The following PARD3B variants were observed in gnomAD, a reference collection of about 807,000 sequenced individuals.
PARD3B encodes partitioning defective 3 homolog B.
Under a neutral mutation model 130.2 loss-of-function variants are expected in PARD3B, and 103 were observed. The ratio of observed to expected loss-of-function variants is 0.79; its 90% CI spans 0.67 to 0.93. The LOEUF (loss-of-function observed/expected upper bound fraction) is 0.93. Ranked by LOEUF, PARD3B falls within the 40% of genes least tolerant of loss-of-function variation. The pLI is 0.00. For missense variants in PARD3B, 1,609 were observed against 1,499.2 expected (o/e 1.07, Z -1.21); for synonymous variants, 583 against 553.2 (o/e 1.05, Z -0.76).
chr2:204,748,963 A>G (rs1011550100), intron 2 of PARD3B, among the ~76,000 whole-genome samples: 4 of 152,160 alleles, frequency 2.6e-5, no homozygotes, highest in Non-Finnish European at 4.4e-5. Flanking sequence ...TTGATCATTT[A>G]CATACTTATA....
chr2:204,674,287 C>G (rs2036434546), intron 1 of PARD3B, among the ~76,000 whole-genome samples: 1 of 152,152 alleles, frequency 6.6e-6, no homozygotes. Context: ...AAATTTCTCT[C>G]TGAGTAGGGG....
chr2:204,619,324 C>T (rs2034216327), intron 1 of PARD3B, among the ~76,000 whole-genome samples: 1 of 152,084 alleles, frequency 6.6e-6, no homozygotes, highest in South Asian at 2.1e-4. Flanking sequence ...AATTGGCAGG[C>T]ATTTCATCAT....
At chr2:205,436,406 T>C (rs1016990706) in intron 19 of PARD3B, among the ~76,000 whole-genome samples, 1 of 152,098 alleles carries the variant, frequency 6.6e-6, no homozygotes, top group Non-Finnish European at 1.5e-5. Flanking sequence ...TTTGAGAGTG[T>C]TTTTCTTTTA....
At position 205,116,745 on chromosome 2, in the gene PARD3B, AGTG is replaced by A. The variant is rs1384923532; in HGVS notation, c.681-2173_681-2171del. Among the ~76,000 whole-genome samples the A allele has an allele frequency of 9.2e-5, 14 of 152,162 alleles. No homozygotes were observed. Among genetic ancestry groups the A allele is most frequent in the Non-Finnish European group, 1.5e-5 (1 of 68,028 alleles). On this transcript the variant is annotated intron_variant, in intron 6 of 22. Transcript: ENST00000406610. This position sits in a 1 kb window ranked among gnomAD's most constrained non-coding sequence, Gnocchi z 4.5. ...CCTTCCACGGAGCAGAGAGGGCAGA[AGTG>A]GTTTGTTGCCAGGGACCAAACTAAT...
chr2:205,075,712 G>A (rs910666736), intron 4 of PARD3B, among the ~76,000 whole-genome samples: 1 of 147,152 alleles, frequency 6.8e-6, no homozygotes, highest in Non-Finnish European at 1.5e-5. Context: ...ATTTTTGATA[G>A]ACATTTTTTC....
intron 2 of PARD3B, among the ~76,000 whole-genome samples, chr2:204,771,531 G>A (rs2041381101): frequency 6.6e-6 from 1 of 152,080 alleles, no homozygotes; most frequent in Non-Finnish European, 1.5e-5. Context: ...GGGCAGGGAA[G>A]GAGGGGGGCA....
chr2:204,771,652 A>T (rs1361113178), intron 2 of PARD3B, among the ~76,000 whole-genome samples: 1 of 151,998 alleles, frequency 6.6e-6, no homozygotes, highest in Non-Finnish European at 1.5e-5. Context: ...CTGCACATAT[A>T]CCCCCTGAAT....
rs565747363 is a variant in PARD3B, at chr2:205,370,672, G to A, written c.2631-30341G>A. On this transcript the variant is annotated intron_variant, in intron 18 of 22. Transcript: ENST00000406610. ...AAGAATTGCTCTTGGATGCAGTAGA[G>A]GGGAACCTATATCTTGAAAGCTGAA... 2.0e-5 allele frequency among the ~76,000 whole-genome samples: 3 copies of A among 152,328 alleles called. No individual in the cohort carries two copies. The East Asian group carries it at 5.8e-4, about 29-fold the overall frequency.
intron 18 of PARD3B, among the ~76,000 whole-genome samples, chr2:205,311,032 T>A (rs535722094): frequency 6.6e-6 from 1 of 152,244 alleles, no homozygotes; most frequent in South Asian, 2.1e-4. Context: ...GGCTGAATAG[T>A]ATTTCGTTGT....
chr2:205,273,556 A>G (rs1054721089), intron 16 of PARD3B, among the ~76,000 whole-genome samples: 2 of 152,208 alleles, frequency 1.3e-5, no homozygotes, highest in Admixed American at 1.3e-4. Context: ...AGACTTCTCA[A>G]TCTTGACCAT....
chr2:204,925,049 G>A (rs949960828), intron 2 of PARD3B, among the ~76,000 whole-genome samples: 1 of 150,578 alleles, frequency 6.6e-6, no homozygotes, highest in African/African-American at 2.4e-5. Flanking sequence ...AAATATATGT[G>A]TATATACAGG....
intron 2 of PARD3B, among the ~76,000 whole-genome samples, chr2:204,886,385 T>C (rs777620760): frequency 5.3e-5 from 8 of 152,220 alleles, no homozygotes; most frequent in East Asian, 1.9e-4. Flanking sequence ...GCTGTCACCA[T>C]TGCCCTAGCA....
At chr2:204,607,745 TGTA>T (rs1373223664) in intron 1 of PARD3B, among the ~76,000 whole-genome samples, 1 of 152,020 alleles carries the variant, frequency 6.6e-6, no homozygotes, top group Non-Finnish European at 1.5e-5. Flanking sequence ...GAGTTAAGGG[TGTA>T]GCCTCACACT....
chr2:205,405,601 A>C lies in PARD3B; in HGVS notation c.2741+4478A>C, dbSNP rs1382679209. On this transcript the variant is annotated intron_variant, in intron 19 of 22. Coordinates refer to ENST00000406610, the MANE Select transcript of PARD3B (RefSeq NM_001302769.2). The surrounding 1 kb of genome is among the most constrained non-coding windows in gnomAD (Gnocchi z 4.1). ...TATCCCATCAATCTAAGCTTGCAAG[A>C]ATAATTTTTTTCGTTAAAATTTATT... Among the ~76,000 whole-genome samples the C allele has an allele frequency of 6.6e-6, 1 of 152,212 alleles. No individual in the cohort carries two copies. Among genetic ancestry groups the C allele is most frequent in the African/African-American group, 2.4e-5 (1 of 41,450 alleles).
At chr2:205,256,486 T>A (rs2040090829) in intron 16 of PARD3B, among the ~76,000 whole-genome samples, 1 of 152,116 alleles carries the variant, frequency 6.6e-6, no homozygotes, top group African/African-American at 2.4e-5. Flanking sequence ...TATGTATAAA[T>A]GCAAATGCAC....
intron 19 of PARD3B, among the ~76,000 whole-genome samples, chr2:205,403,265 T>C (rs1312055758): frequency 6.6e-6 from 1 of 152,224 alleles, no homozygotes; most frequent in Non-Finnish European, 1.5e-5. Flanking sequence ...ATTTTCAAAA[T>C]ATTTAATGCA....
chr2:205,106,510 TGTGTGTGTGTG>T (rs1703229448), intron 5 of PARD3B, among the ~76,000 whole-genome samples: 1 of 151,520 alleles, frequency 6.6e-6, no homozygotes. Context: ...TGTGTGTGTG[TGTGTGTGTGTG>T]TGTGTGTGTA....
At chr2:204,629,400 C>G (rs1184613771) in intron 1 of PARD3B, among the ~76,000 whole-genome samples, 1 of 152,124 alleles carries the variant, frequency 6.6e-6, no homozygotes, top group African/African-American at 2.4e-5. Context: ...TGCTTGTGTT[C>G]TTGCCTCTGA....
At chr2:204,951,238 T>C (rs1689739434) in intron 2 of PARD3B, among the ~76,000 whole-genome samples, 1 of 152,206 alleles carries the variant, frequency 6.6e-6, no homozygotes, top group Non-Finnish European at 1.5e-5. Flanking sequence ...ATTTTCATTA[T>C]ACACTGGGCC....
Sources: allele counts gnomAD v4.1 joint callset (sites outside exome capture counted in the v4.1 genomes callset), GRCh38; gene constraint gnomAD v4.1.1; non-coding constraint Gnocchi (gnomAD v3.1); transcripts MANE v1.5; gene names NCBI Gene and HGNC (gene_info 2026-07-23, HGNC 2026-07-21).